JAK1: variants seen among roughly 807,000 people sequenced by gnomAD.
JAK1 encodes Janus kinase 1, also known as tyrosine-protein kinase JAK1.
Under a neutral mutation model 136.6 loss-of-function variants are expected in JAK1, and 16 were observed. The observed-to-expected ratio is 0.12, with a 90% CI of 0.08 to 0.18. JAK1 has a LOEUF of 0.18. Ranked by LOEUF, JAK1 falls within the 10% of genes least tolerant of loss-of-function variation. The probability of loss-of-function intolerance (pLI) is 1.00; values close to 1 mark genes in which losing one functional copy is unlikely to be tolerated. For missense variants in JAK1, 859 were observed against 1,450.1 expected (o/e 0.59, Z 6.62); for synonymous variants, 492 against 519.5 (o/e 0.95, Z 0.72).
intron 2 of JAK1, among the ~76,000 whole-genome samples, chr1:64,997,991 A>G (rs897354234): frequency 6.6e-6 from 1 of 152,202 alleles, no homozygotes; most frequent in African/African-American, 2.4e-5. Context: ...AAACTTTTCC[A>G]AACAGATCTG....
intron 1 of JAK1, among the ~76,000 whole-genome samples, chr1:64,900,124 T>C (rs1645082020): frequency 6.6e-6 from 1 of 151,792 alleles, no homozygotes; most frequent in African/African-American, 2.4e-5. Context: ...GGGCTGGGAG[T>C]AGGAATTCAG....
chr1:64,889,734 T>C (rs1254368722), intron 1 of JAK1, among the ~76,000 whole-genome samples: 2 of 152,334 alleles, frequency 1.3e-5, no homozygotes, highest in Admixed American at 6.5e-5. Flanking sequence ...GGAACTCTCT[T>C]AAATTTTCAA....
intron 1 of JAK1, among the ~76,000 whole-genome samples, chr1:64,949,028 G>C (rs1038224358): frequency 6.6e-6 from 1 of 152,200 alleles, no homozygotes; most frequent in African/African-American, 2.4e-5. Context: ...AGTGCTGACT[G>C]CAAGAAAGGG....
upstream of JAK1, among the ~76,000 whole-genome samples, chr1:64,970,292 T>A (rs1473671851): frequency 6.9e-6 from 1 of 145,848 alleles, no homozygotes; most frequent in African/African-American, 2.6e-5. Flanking sequence ...ATACAAAAAA[T>A]TAGTTGGGCA....
At chr1:65,058,132 G>A (rs543485834) in intron 1 of JAK1, among the ~76,000 whole-genome samples, 1 of 152,132 alleles carries the variant, frequency 6.6e-6, no homozygotes, top group Admixed American at 6.6e-5. Flanking sequence ...TATAAAAATG[G>A]TACGAAGTTC....
Position 64,913,209 on chromosome 1 carries a change from G to A in JAK1, c.-77-26868C>T, listed in dbSNP as rs150427390. On this transcript the variant is annotated intron_variant, in intron 1 of 24. Coordinates refer to ENST00000342505, the MANE Select transcript of JAK1 (RefSeq NM_002227.4). ...TGGCTAATTTTTCTATTTTTTTGTA[G>A]AGACAGGGTCTCGCCTTATTGCCCA... is the stretch of plus-strand genomic sequence containing the variant. 5.9e-3 allele frequency among the ~76,000 whole-genome samples: 898 copies of A among 152,136 alleles called. 8 individuals are homozygous for A. The highest frequency in any genetic ancestry group is 0.015 in the African/African-American group (635 of 41,502).
intron 1 of JAK1, among the ~76,000 whole-genome samples, chr1:64,910,227 T>C (rs551255451): frequency 1.3e-5 from 2 of 152,132 alleles, no homozygotes; most frequent in Non-Finnish European, 1.5e-5. Flanking sequence ...ACTAAGGAGA[T>C]TGTAATACGG....
chr1:65,033,075 C>G (rs552284953), intron 2 of JAK1, among the ~76,000 whole-genome samples: 1 of 152,300 alleles, frequency 6.6e-6, no homozygotes, highest in Non-Finnish European at 1.5e-5. Flanking sequence ...TTGCCTGGAA[C>G]AGAAATATGA....
In JAK1 at chr1:65,038,938, T is replaced by TTGTGTGTGTGTGTGTGTG. The variant is rs150814115; in HGVS notation, c.-78+5524_-78+5541dup. On this transcript the variant is annotated intron_variant, in intron 2 of 25. Transcript: ENST00000671954. ...CAGGCGTGAGCCACCGCACCCAGTC[T>TTGTGTGTGTGTGTGTGTG]TGTGTGTGTGTGTGTGTGTGTGTGT... 4.3e-3 allele frequency among the ~76,000 whole-genome samples: 636 copies of TTGTGTGTGTGTGTGTGTG among 147,928 alleles called. 3 individuals are homozygous for TTGTGTGTGTGTGTGTGTG. Among genetic ancestry groups the TTGTGTGTGTGTGTGTGTG allele is most frequent in the African/African-American group, 9.8e-3 (395 of 40,230 alleles).
chr1:64,919,417 T>C (rs1429569712), intron 1 of JAK1, among the ~76,000 whole-genome samples: 2 of 152,212 alleles, frequency 1.3e-5, no homozygotes, highest in African/African-American at 2.4e-5. Context: ...AGTCTATCAT[T>C]GATGGACATT....
Position 64,850,928 on chromosome 1 carries a change from G to A in JAK1, c.1649-18C>T, listed in dbSNP as rs2101030335. ...GGAGATTTCTGTGGAAGAGATTGGG[G>A]GAGTCTGAGCACAGCACCCAAGATC... is the stretch of plus-strand genomic sequence containing the variant. On this transcript the variant is annotated intron_variant, in intron 11 of 24. Coordinates refer to ENST00000342505, the MANE Select transcript of JAK1 (RefSeq NM_002227.4). 6.4e-7 allele frequency: 1 copy of A among 1,550,924 alleles called. No individual in the cohort carries two copies. The highest frequency in any genetic ancestry group is 8.9e-7 in the Non-Finnish European group (1 of 1,122,754).
intron 2 of JAK1, among the ~76,000 whole-genome samples, chr1:65,037,337 G>A (rs1445584818): frequency 6.6e-6 from 1 of 151,970 alleles, no homozygotes; most frequent in Non-Finnish European, 1.5e-5. Context: ...GATGGGGGGG[G>A]TCTCATTATT....
At chr1:64,903,362 C>T (rs568877335) in intron 1 of JAK1, among the ~76,000 whole-genome samples, 2 of 152,294 alleles carry the variant, frequency 1.3e-5, no homozygotes, top group South Asian at 4.1e-4. Context: ...TGCTCCAAAA[C>T]TCACCCTAGC....
chr1:65,018,172 T>C (rs983914394), intron 2 of JAK1, among the ~76,000 whole-genome samples: 2 of 151,938 alleles, frequency 1.3e-5, no homozygotes, highest in Non-Finnish European at 2.9e-5. Context: ...CAAAAACATA[T>C]AGGGTAATAG....
At chr1:64,911,223 A>G (rs1437119964) in intron 1 of JAK1, among the ~76,000 whole-genome samples, 3 of 152,226 alleles carry the variant, frequency 2.0e-5, no homozygotes, top group African/African-American at 7.2e-5. Context: ...ATGAGGCCAG[A>G]AAACCTTCCT....
At position 64,847,505 on chromosome 1, in the gene JAK1, G is replaced by A. The variant is rs781400731; in HGVS notation, c.1899+27C>T. ...TGGCTCCAGAAACGGGAGAGGGGAG[G>A]GGAGGAGTTCAGAGGAAGACACTTG... On this transcript the variant is annotated intron_variant, in intron 13 of 24. Coordinates refer to ENST00000342505, the MANE Select transcript of JAK1 (RefSeq NM_002227.4). 1.9e-6 allele frequency: 3 copies of A among 1,613,254 alleles called. No homozygotes were observed. The South Asian group carries it at 3.3e-5, about 18-fold the overall frequency.
chr1:64,961,615 T>C (rs1259202728), intron 1 of JAK1, among the ~76,000 whole-genome samples: 1 of 152,154 alleles, frequency 6.6e-6, no homozygotes, highest in Non-Finnish European at 1.5e-5. Context: ...TCTAATCTAG[T>C]GGCCACTTCC....
chr1:64,986,926 A>G (rs1194518536), intron 2 of JAK1, among the ~76,000 whole-genome samples: 1 of 152,122 alleles, frequency 6.6e-6, no homozygotes, highest in African/African-American at 2.4e-5. Context: ...AGTATCTGGC[A>G]TATTGTAAGC....
chr1:64,870,589 T>C (rs902587712), intron 5 of JAK1, among the ~76,000 whole-genome samples: 9 of 152,088 alleles, frequency 5.9e-5, no homozygotes, highest in Non-Finnish European at 1.2e-4. Flanking sequence ...ACAGCCACAT[T>C]CGGTTTTCAT....
Sources: allele counts gnomAD v4.1 joint callset (sites outside exome capture counted in the v4.1 genomes callset), GRCh38; gene constraint gnomAD v4.1.1; transcripts MANE v1.5; gene names NCBI Gene and HGNC (gene_info 2026-07-23, HGNC 2026-07-21).